RBFOX2: variants seen among roughly 807,000 people sequenced by gnomAD.
The protein encoded by RBFOX2 is RNA binding fox-1 homolog 2.
Under a neutral mutation model 49.1 loss-of-function variants are expected in RBFOX2, and 10 were observed. The observed-to-expected ratio is 0.20, with a 90% CI of 0.13 to 0.35. The LOEUF (loss-of-function observed/expected upper bound fraction) is 0.35, where lower values mean the gene tolerates loss of function less well. Among genes scored for constraint, RBFOX2 ranks in the 10% least tolerant of loss-of-function variants. The pLI, the probability that RBFOX2 is intolerant of heterozygous loss-of-function variation, is 1.00. For synonymous variants in RBFOX2, 183 were observed against 187.4 expected (o/e 0.98, Z 0.19); for missense variants, 323 against 486.9 (o/e 0.66, Z 3.17).
chr22:35,943,022 C>CT (rs1292387482), upstream of RBFOX2, among the ~76,000 whole-genome samples: 183 of 152,306 alleles, frequency 1.2e-3, 1 homozygote, highest in Non-Finnish European at 3.7e-4. Context: ...ATTTCAGACA[C>CT]TTTAAGTGAT....
intron 1 of RBFOX2, among the ~76,000 whole-genome samples, chr22:36,026,268 A>G (rs76852884): frequency 9.2e-5 from 14 of 151,858 alleles, no homozygotes; most frequent in African/African-American, 3.4e-4. Flanking sequence ...AAAAAAAAAA[A>G]AGAGAATGTA....
intron 1 of RBFOX2, among the ~76,000 whole-genome samples, chr22:35,955,732 T>C (rs986509426): frequency 3.3e-5 from 5 of 152,110 alleles, no homozygotes; most frequent in African/African-American, 1.2e-4. Flanking sequence ...TGCTTGCTGC[T>C]CACCTCCTGC....
At chr22:35,901,556 T>C (rs969911164) in intron 1 of RBFOX2, among the ~76,000 whole-genome samples, 21 of 152,160 alleles carry the variant, frequency 1.4e-4, no homozygotes, top group Non-Finnish European at 2.8e-4. Flanking sequence ...ACTGTACTTG[T>C]GCACTGGCCA....
intron 1 of RBFOX2, among the ~76,000 whole-genome samples, chr22:35,874,041 T>G (rs1272454246): frequency 2.0e-5 from 3 of 152,182 alleles, no homozygotes; most frequent in Admixed American, 2.0e-4. Flanking sequence ...GGTCTTTCTT[T>G]CCCTGAAGAG....
chr22:36,024,759 C>T (rs529723302), intron 1 of RBFOX2, among the ~76,000 whole-genome samples: 5 of 151,948 alleles, frequency 3.3e-5, no homozygotes, highest in South Asian at 4.2e-4. Context: ...AAAAAAAAGA[C>T]GTGTACTTTA....
intron 1 of RBFOX2, among the ~76,000 whole-genome samples, chr22:35,979,998 T>A (rs996932527): frequency 1.3e-5 from 2 of 152,212 alleles, no homozygotes; most frequent in Non-Finnish European, 2.9e-5. Context: ...CTCAAGGAAT[T>A]CAGGCTAACA....
chr22:35,999,390 A>G (rs549256354), intron 1 of RBFOX2: 3 of 151,748 alleles, frequency 2.0e-5, no homozygotes, highest in South Asian at 2.1e-4. Flanking sequence ...ACAAAAAAAA[A>G]AAAAAAAAAA....
chr22:35,761,720 G>C (rs554724902), intron 6 of RBFOX2, among the ~76,000 whole-genome samples: 46 of 152,104 alleles, frequency 3.0e-4, no homozygotes, highest in Middle Eastern at 3.4e-3. Context: ...GATGGAGAGG[G>C]AATGAGAGGA....
At chr22:35,854,811 T>C (rs2149018160) in intron 1 of RBFOX2, among the ~76,000 whole-genome samples, 1 of 152,264 alleles carries the variant, frequency 6.6e-6, no homozygotes, top group African/African-American at 2.4e-5. Context: ...TTTTTTTAAT[T>C]GCTATAATTT....
In RBFOX2 at chr22:35,900,377, G is replaced by A. The variant is rs567021507; in HGVS notation, c.-34+38470C>T. Among the ~76,000 whole-genome samples the A allele has an allele frequency of 2.6e-5, 4 of 151,992 alleles. No homozygotes were observed. In the East Asian group the frequency reaches 5.8e-4, roughly 22 times the overall value. ...TTCTCTGTGGTTGTAAGAGGATAGCGGGGGGAAGTAGGTATACCGGGGGAG... is the reference window on the plus strand; with the variant it reads ...TTCTCTGTGGTTGTAAGAGGATAGCAGGGGGAAGTAGGTATACCGGGGGAG... On this transcript the variant is annotated intron_variant, in intron 1 of 13. Coordinates refer to the RBFOX2 transcript ENST00000359369.
At chr22:35,848,031 T>G (rs1431689678) in intron 1 of RBFOX2, among the ~76,000 whole-genome samples, 2 of 152,200 alleles carry the variant, frequency 1.3e-5, no homozygotes, top group Non-Finnish European at 2.9e-5. Flanking sequence ...AATTATTTTT[T>G]CATATATGTC....
intron 1 of RBFOX2, among the ~76,000 whole-genome samples, chr22:35,945,429 C>G (rs1351635342): frequency 6.6e-6 from 1 of 152,160 alleles, no homozygotes; most frequent in Admixed American, 6.5e-5. Context: ...ATCTCTCTGG[C>G]TTGAGAAAAA....
At chr22:35,782,823 A>G (rs1345395278) in intron 2 of RBFOX2, among the ~76,000 whole-genome samples, 1 of 152,228 alleles carries the variant, frequency 6.6e-6, no homozygotes, top group Admixed American at 6.5e-5. Flanking sequence ...ACCCACAGTT[A>G]AAGAGTATAA....
At chr22:35,837,773 A>G (rs915327297) in intron 1 of RBFOX2, among the ~76,000 whole-genome samples, 28 of 152,234 alleles carry the variant, frequency 1.8e-4, no homozygotes, top group African/African-American at 6.5e-4. Flanking sequence ...GCACATCCTG[A>G]TAAAACAGGT....
chr22:35,935,263 C>T (rs1427141888), intron 1 of RBFOX2, among the ~76,000 whole-genome samples: 1 of 152,172 alleles, frequency 6.6e-6, no homozygotes, highest in Non-Finnish European at 1.5e-5. Context: ...AAATTTCTCA[C>T]TTTTCTGAAC....
chr22:35,974,376 C>A (rs1207774053), intron 1 of RBFOX2, among the ~76,000 whole-genome samples: 1 of 152,118 alleles, frequency 6.6e-6, no homozygotes. Context: ...CCAGAATTGC[C>A]ACTGGGTGTA....
chr22:36,013,757 A>G (rs537230824), intron 1 of RBFOX2, among the ~76,000 whole-genome samples: 2 of 152,316 alleles, frequency 1.3e-5, no homozygotes, highest in South Asian at 4.1e-4. Flanking sequence ...GGAGCAAAAA[A>G]TACAGAGAGT....
chr22:35,923,516 T>A (rs117607203), intron 1 of RBFOX2, among the ~76,000 whole-genome samples: 3,189 of 152,202 alleles, frequency 0.021, 53 homozygotes, highest in Non-Finnish European at 0.029. Context: ...AGACTACAGG[T>A]GCACACCACC....
rs1051113619 is a variant in RBFOX2 at position 35,760,437 on chromosome 22, A to G, written c.755-417T>C. ...GGTCAGTTATTAACCTTGCTTCCCA[A>G]TGTTACTATGTCCACATAATAATTA... On this transcript the variant is annotated intron_variant, in intron 8 of 11. Transcript: ENST00000405409. 2.0e-5 allele frequency among the ~76,000 whole-genome samples: 3 copies of G among 152,196 alleles called. No individual in the cohort carries two copies. In the South Asian group the frequency reaches 6.2e-4, roughly 31 times the overall value.
Sources: allele counts gnomAD v4.1 joint callset (sites outside exome capture counted in the v4.1 genomes callset), GRCh38; gene constraint gnomAD v4.1.1; transcripts MANE v1.5; gene names NCBI Gene and HGNC (gene_info 2026-07-23, HGNC 2026-07-21).